The following SEMA6D variants were observed in gnomAD, a reference collection of about 807,000 sequenced individuals.
SEMA6D encodes semaphorin-6D.
SEMA6D carries 35 observed loss-of-function variants against 106.6 expected under a neutral mutation model. That is an observed-to-expected ratio of 0.33 (90% CI 0.25 to 0.44). SEMA6D has a LOEUF of 0.44. Among genes scored for constraint, SEMA6D ranks in the 20% least tolerant of loss-of-function variants. The probability of loss-of-function intolerance (pLI) is 1.00; values close to 1 mark genes in which losing one functional copy is unlikely to be tolerated. For synonymous variants in SEMA6D, 499 were observed against 487.7 expected, an observed-to-expected ratio of 1.02 and a Z score of -0.31; for missense variants, 1,185 against 1,345.9, an observed-to-expected ratio of 0.88 and a Z score of 1.87.
intron 1 of SEMA6D, among the ~76,000 whole-genome samples, chr15:47,729,198 T>C (rs2079960579): frequency 6.6e-6 from 1 of 152,232 alleles, no homozygotes; most frequent in Non-Finnish European, 1.5e-5. Context: ...ATGTGAGTGG[T>C]GAGAAAAGCC....
chr15:47,215,959 T>C (rs531358001), intron 1 of SEMA6D, among the ~76,000 whole-genome samples: 12 of 152,282 alleles, frequency 7.9e-5, no homozygotes, highest in African/African-American at 2.6e-4. Flanking sequence ...TTTTTAAAAT[T>C]ATAGAATCAG....
At chr15:47,636,382 G>T (rs536945486) in intron 4 of SEMA6D, among the ~76,000 whole-genome samples, 1 of 152,256 alleles carries the variant, frequency 6.6e-6, no homozygotes, top group Non-Finnish European at 1.5e-5. Flanking sequence ...GCAACCCTTT[G>T]TCCCTAGTGA....
chr15:47,768,809 G>A, intron 18 of SEMA6D, 61 bp downstream of exon 18: 2 of 1,517,650 alleles, frequency 1.3e-6, no homozygotes, highest in South Asian at 1.3e-5. Context: ...TAATGTCACT[G>A]AGGAGTATGT....
At chr15:47,368,205 C>T (rs1202861308) in intron 1 of SEMA6D, among the ~76,000 whole-genome samples, 3 of 152,182 alleles carry the variant, frequency 2.0e-5, no homozygotes, top group African/African-American at 7.2e-5. Flanking sequence ...TGGCAAGCCC[C>T]AAGCCTCTGC....
In SEMA6D at chr15:47,772,031, G is replaced by C. The variant is rs1433577265; in HGVS notation, c.*246G>C. 1.6e-5 allele frequency: 8 copies of C among 501,176 alleles called. No homozygotes were observed. The highest frequency in any genetic ancestry group is 2.5e-5 in the Non-Finnish European group (7 of 281,808). The allele number at this position is 501,176 out of a possible 1,614,324, so 31.0% of individuals were successfully genotyped here. ...TCCATTTCTTTTGTTTGAAGCTAAA[G>C]AGATGTGTAGCTCACAGGGGCTACC... On this transcript the variant is annotated 3_prime_UTR_variant, in exon 19 of 19. Coordinates refer to ENST00000536845, the MANE Select transcript of SEMA6D (RefSeq NM_001358351.3).
chr15:47,496,801 C>T (rs151269156), intron 3 of SEMA6D, among the ~76,000 whole-genome samples: 1 of 151,952 alleles, frequency 6.6e-6, no homozygotes, highest in East Asian at 1.9e-4. Flanking sequence ...CCTACTTGAC[C>T]TTCACTCCTC....
At chr15:47,343,248 T>TTTATTATTA (rs10637657) in intron 1 of SEMA6D, among the ~76,000 whole-genome samples, 24,287 of 146,058 alleles carry the variant, frequency 0.17, 2,145 homozygotes, top group East Asian at 0.31. Context: ...TAGTTGGATT[T>TTTATTATTA]TTATTATTAT....
At chr15:47,388,914 G>A (rs1183043792) in intron 1 of SEMA6D, among the ~76,000 whole-genome samples, 2 of 152,112 alleles carry the variant, frequency 1.3e-5, no homozygotes, top group African/African-American at 4.8e-5. Flanking sequence ...ATAAAAATCT[G>A]CCATTTGCTT....
At chr15:47,734,755 A>G (rs1262924055) in intron 1 of SEMA6D, among the ~76,000 whole-genome samples, 4 of 152,214 alleles carry the variant, frequency 2.6e-5, no homozygotes, top group Non-Finnish European at 1.5e-5. Context: ...CCTAGGTTTG[A>G]GTTTTAAGTG....
chr15:47,276,495 AT>A (rs1474091613), intron 1 of SEMA6D, among the ~76,000 whole-genome samples: 1 of 152,162 alleles, frequency 6.6e-6, no homozygotes, highest in African/African-American at 2.4e-5. Flanking sequence ...GTCTTTAAGA[AT>A]TATGCTAACT....
intron 1 of SEMA6D, among the ~76,000 whole-genome samples, chr15:47,191,919 G>T (rs1004887098): frequency 2.0e-5 from 3 of 152,188 alleles, no homozygotes; most frequent in African/African-American, 7.2e-5. Context: ...AGTCGAGCAG[G>T]AAGTATACAT....
At chr15:47,191,065 G>A (rs997873565) in intron 1 of SEMA6D, among the ~76,000 whole-genome samples, 1 of 152,046 alleles carries the variant, frequency 6.6e-6, no homozygotes, top group African/African-American at 2.4e-5. Flanking sequence ...CCCCACAAGT[G>A]GAGAGGCTGA....
chr15:47,492,622 C>T (rs2043507857), intron 3 of SEMA6D, among the ~76,000 whole-genome samples: 1 of 152,130 alleles, frequency 6.6e-6, no homozygotes, highest in Non-Finnish European at 1.5e-5. Context: ...TTAGAACACT[C>T]TGGAAATACC....
chr15:47,387,736 A>G (rs933805993), intron 1 of SEMA6D, among the ~76,000 whole-genome samples: 1 of 152,208 alleles, frequency 6.6e-6, no homozygotes, highest in Non-Finnish European at 1.5e-5. Flanking sequence ...GTGGTTAACA[A>G]TAAAGATTTG....
chr15:47,579,734 A>G (rs1443076280), intron 3 of SEMA6D, among the ~76,000 whole-genome samples: 1 of 152,136 alleles, frequency 6.6e-6, no homozygotes, highest in African/African-American at 2.4e-5. Context: ...ATTATCCTGT[A>G]CTCCAATCTA....
chr15:47,190,727 AT>A (rs1893901532), intron 1 of SEMA6D, among the ~76,000 whole-genome samples: 1 of 152,208 alleles, frequency 6.6e-6, no homozygotes, highest in South Asian at 2.1e-4. Context: ...TAACTTTTTA[AT>A]GTATTAACCT....
intron 1 of SEMA6D, among the ~76,000 whole-genome samples, chr15:47,200,708 G>A (rs1175391084): frequency 2.0e-5 from 3 of 152,150 alleles, no homozygotes; most frequent in African/African-American, 7.2e-5. Context: ...CTGACATTTT[G>A]AGGTTGAGTT....
chr15:47,602,364 A>G (rs2076680528), intron 4 of SEMA6D, among the ~76,000 whole-genome samples: 1 of 152,188 alleles, frequency 6.6e-6, no homozygotes, highest in African/African-American at 2.4e-5. Context: ...CAGGATAACT[A>G]ACTCTACTGA....
At chr15:47,394,394 T>C (rs1268109607) in intron 1 of SEMA6D, among the ~76,000 whole-genome samples, 1 of 152,174 alleles carries the variant, frequency 6.6e-6, no homozygotes, top group Non-Finnish European at 1.5e-5. Flanking sequence ...CATTTAATAC[T>C]TAGTACAACT....
Sources: gnomAD v4.1 joint callset for allele counts (sites outside exome capture counted in the v4.1 genomes callset) on GRCh38, gnomAD v4.1.1 for gene constraint, MANE v1.5 for transcripts, NCBI Gene and HGNC (gene_info 2026-07-23, HGNC 2026-07-21) for gene names.